The following ZFAND3 variants were observed in gnomAD, a reference collection of about 807,000 sequenced individuals.
ZFAND3 encodes AN1-type zinc finger protein 3.
In ZFAND3, 10 loss-of-function variants were observed where a neutral mutation model predicts 29.6. That is an observed-to-expected ratio of 0.34 (90% confidence interval 0.21 to 0.57). The LOEUF is 0.57. Among genes scored for constraint, ZFAND3 ranks in the 20% least tolerant of loss-of-function variants. The pLI is 0.86. For missense variants in ZFAND3, 230 were observed against 304.5 expected (o/e 0.76, Z 1.82); for synonymous variants, 128 against 112.6 (o/e 1.14, Z -0.87).
At chr6:38,100,728 G>A (rs1241477199) in intron 4 of ZFAND3, among the ~76,000 whole-genome samples, 1 of 152,176 alleles carries the variant, frequency 6.6e-6, no homozygotes, top group African/African-American at 2.4e-5. Context: ...TATAGTTATG[G>A]ATTTTTCTTT....
chr6:37,881,472 C>T (rs1764893405), intron 1 of ZFAND3, among the ~76,000 whole-genome samples: 1 of 152,120 alleles, frequency 6.6e-6, no homozygotes, highest in Non-Finnish European at 1.5e-5. Flanking sequence ...ATTTGATGGT[C>T]TGTTCTGTCT....
At chr6:37,841,747 C>T (rs1468598228) in intron 1 of ZFAND3, among the ~76,000 whole-genome samples, 3 of 152,112 alleles carry the variant, frequency 2.0e-5, no homozygotes, top group South Asian at 2.1e-4. Flanking sequence ...CCCCCCAAAG[C>T]GCTGGGATTA....
chr6:37,844,067 C>G (rs1425431824), intron 1 of ZFAND3, among the ~76,000 whole-genome samples: 1 of 151,926 alleles, frequency 6.6e-6, no homozygotes, highest in Non-Finnish European at 1.5e-5. Context: ...ACAAGACCAC[C>G]ACGCCTGGCT....
intron 5 of ZFAND3, among the ~76,000 whole-genome samples, chr6:38,123,440 G>T (rs928556248): frequency 6.6e-5 from 10 of 152,234 alleles, no homozygotes; most frequent in African/African-American, 2.2e-4. Flanking sequence ...GTAAAGGAAA[G>T]TGAGGCAGTA....
chr6:37,947,225 G>C (rs879331294), intron 2 of ZFAND3, among the ~76,000 whole-genome samples: 19 of 152,234 alleles, frequency 1.2e-4, no homozygotes, highest in Middle Eastern at 3.4e-3. Flanking sequence ...TTCTGTGACA[G>C]TAAACTAGTC....
intron 3 of ZFAND3, 64 bp downstream of exon 3, chr6:38,061,839 G>C: frequency 1.3e-6 from 2 of 1,555,342 alleles, no homozygotes; most frequent in South Asian, 1.2e-5. Context: ...TGAGCATCTT[G>C]GTAATGCCTG....
chr6:38,094,132 G>A (rs937825847), intron 4 of ZFAND3, among the ~76,000 whole-genome samples: 5 of 152,042 alleles, frequency 3.3e-5, no homozygotes, highest in African/African-American at 1.2e-4. Flanking sequence ...TGGTCGCCGT[G>A]TTCTGATTAA....
At position 37,862,527 on chromosome 6, in the gene ZFAND3, A is replaced by G. The variant is rs1253004263; in HGVS notation, c.71+42511A>G. Among the ~76,000 whole-genome samples, 3 of 151,832 alleles carry G rather than the reference A, an allele frequency of 2.0e-5. No homozygotes were observed. The East Asian group carries it at 5.8e-4, about 29-fold the overall frequency. Reference sequence around the variant, plus strand: ...TGAGACCCTATCTTTCCAAAAAAAAAAAAAAGAAAAAGCAGGCATGGTGGT... The same window carrying G: ...TGAGACCCTATCTTTCCAAAAAAAAGAAAAAGAAAAAGCAGGCATGGTGGT... On this transcript the variant is annotated intron_variant, in intron 1 of 5. Coordinates refer to ENST00000287218, the MANE Select transcript of ZFAND3 (RefSeq NM_021943.3).
intron 2 of ZFAND3, among the ~76,000 whole-genome samples, chr6:37,935,494 GT>G (rs1473262630): frequency 6.6e-6 from 1 of 152,110 alleles, no homozygotes; most frequent in African/African-American, 2.4e-5. Context: ...TCTTAATGCA[GT>G]TTTTCAAACT....
At chr6:37,891,119 A>ACC (rs1765089317) in intron 1 of ZFAND3, among the ~76,000 whole-genome samples, 1 of 152,198 alleles carries the variant, frequency 6.6e-6, no homozygotes, top group Admixed American at 6.5e-5. Context: ...TTGCTGTCTA[A>ACC]AATTTCCTTC....
intron 2 of ZFAND3, among the ~76,000 whole-genome samples, chr6:37,969,831 G>A (rs1287928976): frequency 6.6e-6 from 1 of 152,178 alleles, no homozygotes; most frequent in Non-Finnish European, 1.5e-5. Context: ...AAATCTGAGG[G>A]AAACTGCTTC....
intron 1 of ZFAND3, among the ~76,000 whole-genome samples, chr6:37,864,649 AT>A (rs753032215): frequency 1.3e-5 from 2 of 152,118 alleles, no homozygotes; most frequent in African/African-American, 4.8e-5. Context: ...CAAGAAAAAA[AT>A]ATATGTATGT....
At chr6:38,131,965 G>A (rs997624251) in intron 5 of ZFAND3, among the ~76,000 whole-genome samples, 1 of 152,196 alleles carries the variant, frequency 6.6e-6, no homozygotes, top group Non-Finnish European at 1.5e-5. Flanking sequence ...GCAGCCTCAG[G>A]ATTTCCCAGT....
chr6:37,952,576 G>A (rs898460135), intron 2 of ZFAND3, among the ~76,000 whole-genome samples: 8 of 151,976 alleles, frequency 5.3e-5, no homozygotes, highest in Non-Finnish European at 1.2e-4. Flanking sequence ...TTATGATTGT[G>A]TTTATTTGGA....
intron 2 of ZFAND3, among the ~76,000 whole-genome samples, chr6:37,971,582 A>G (rs1247167494): frequency 6.6e-6 from 1 of 152,194 alleles, no homozygotes; most frequent in Admixed American, 6.5e-5. Context: ...CTGAAAAAGC[A>G]ATGCTTGCTT....
intron 1 of ZFAND3, among the ~76,000 whole-genome samples, chr6:37,827,736 G>A (rs1473183863): frequency 3.3e-5 from 5 of 152,206 alleles, no homozygotes; most frequent in African/African-American, 4.8e-5. Context: ...CTATTAACTC[G>A]AGGGATGATG....
At chr6:37,830,548 T>C (rs1292053820) in intron 1 of ZFAND3, among the ~76,000 whole-genome samples, 1 of 152,236 alleles carries the variant, frequency 6.6e-6, no homozygotes, top group Non-Finnish European at 1.5e-5. Flanking sequence ...GCAGCAGCTT[T>C]CAGCAAAATT....
At chr6:37,853,563 A>G (rs1369273318) in intron 1 of ZFAND3, among the ~76,000 whole-genome samples, 1 of 152,192 alleles carries the variant, frequency 6.6e-6, no homozygotes, top group Non-Finnish European at 1.5e-5. Context: ...AATTTTAATC[A>G]TACTCACAAC....
intron 5 of ZFAND3, among the ~76,000 whole-genome samples, chr6:38,136,700 G>T (rs1336731308): frequency 1.3e-5 from 2 of 152,206 alleles, no homozygotes; most frequent in Non-Finnish European, 2.9e-5. Context: ...GTGCCTTGAG[G>T]ACTGTAAGGG....
Sources: gnomAD v4.1 joint callset for allele counts (sites outside exome capture counted in the v4.1 genomes callset) on GRCh38, gnomAD v4.1.1 for gene constraint, MANE v1.5 for transcripts, NCBI Gene and HGNC (gene_info 2026-07-23, HGNC 2026-07-21) for gene names.